Variants in GPC6 observed in about 807,000 individuals in gnomAD.
The protein encoded by GPC6 is glypican-6.
A neutral mutation model predicts 55.2 loss-of-function variants in GPC6; 14 were observed. The observed-to-expected ratio is 0.25, with a 90% CI of 0.17 to 0.40. The LOEUF (loss-of-function observed/expected upper bound fraction) is 0.40. Ranked by LOEUF, GPC6 falls within the 10% of genes least tolerant of loss-of-function variation. GPC6 has a pLI of 1.00. For missense variants in GPC6, 641 were observed against 708.5 expected (o/e 0.90, Z 1.08); for synonymous variants, 278 against 259.6 (o/e 1.07, Z -0.68).
At chr13:93,494,770 C>A (rs1880186615) in intron 1 of GPC6, among the ~76,000 whole-genome samples, 1 of 150,076 alleles carries the variant, frequency 6.7e-6, no homozygotes, top group Non-Finnish European at 1.5e-5. Flanking sequence ...TTTTATTTCT[C>A]CTTCACTTAT....
At chr13:93,412,000 C>T (rs915192832) in intron 1 of GPC6, among the ~76,000 whole-genome samples, 9 of 137,710 alleles carry the variant, frequency 6.5e-5, no homozygotes, top group African/African-American at 2.5e-4. Context: ...GGGACTATGT[C>T]TCAAAAAAAA....
chr13:93,469,870 G>A (rs923455485), intron 1 of GPC6, among the ~76,000 whole-genome samples: 1 of 152,058 alleles, frequency 6.6e-6, no homozygotes, highest in African/African-American at 2.4e-5. Context: ...TTACTGAAAA[G>A]GGAATCTTTT....
At chr13:93,715,538 T>C (rs961842442) in intron 2 of GPC6, among the ~76,000 whole-genome samples, 2 of 151,560 alleles carry the variant, frequency 1.3e-5, no homozygotes, top group African/African-American at 4.8e-5. Context: ...ACCTGGGTGA[T>C]GGGATCATTC....
chr13:93,695,494 A>G (rs890517911), intron 2 of GPC6, among the ~76,000 whole-genome samples: 7 of 152,048 alleles, frequency 4.6e-5, no homozygotes, highest in African/African-American at 1.7e-4. Flanking sequence ...CAAGCATCAT[A>G]TAATCCTTTG....
intron 6 of GPC6, among the ~76,000 whole-genome samples, chr13:94,350,664 TATC>T (rs1196838083): frequency 6.6e-6 from 1 of 151,002 alleles, no homozygotes; most frequent in African/African-American, 2.5e-5. Context: ...TGTGTGTATG[TATC>T]ATATTATATA....
At chr13:94,308,666 T>C (rs541226333) in intron 6 of GPC6, among the ~76,000 whole-genome samples, 2 of 152,308 alleles carry the variant, frequency 1.3e-5, no homozygotes, top group Non-Finnish European at 2.9e-5. Context: ...AATTGCAGTT[T>C]TACTGATTTT....
chr13:93,785,110 A>G (rs1885781283), intron 2 of GPC6, among the ~76,000 whole-genome samples: 1 of 152,192 alleles, frequency 6.6e-6, no homozygotes, highest in Non-Finnish European at 1.5e-5. Flanking sequence ...AAGAAGAAAA[A>G]GGGCACATTT....
intron 2 of GPC6, among the ~76,000 whole-genome samples, chr13:93,638,191 GTCA>G (rs1348002795): frequency 1.3e-5 from 2 of 151,998 alleles, no homozygotes; most frequent in Non-Finnish European, 2.9e-5. Context: ...CTGCACTGTT[GTCA>G]TCAAGTAGAT....
chr13:94,106,393 G>T (rs1886056003), intron 4 of GPC6, among the ~76,000 whole-genome samples: 1 of 152,108 alleles, frequency 6.6e-6, no homozygotes, highest in Admixed American at 6.6e-5. Flanking sequence ...GGTGAAAGTG[G>T]GTAGCGAGAC....
chr13:93,261,891 G>C (rs969688715), intron 1 of GPC6, among the ~76,000 whole-genome samples: 2 of 150,204 alleles, frequency 1.3e-5, no homozygotes, highest in Middle Eastern at 3.3e-3. Context: ...TAGACTTTCT[G>C]GCATTATTCA....
chr13:93,566,674 T>C, intron 2 of GPC6, among the ~76,000 whole-genome samples: 1 of 151,192 alleles, frequency 6.6e-6, no homozygotes, highest in East Asian at 1.9e-4. Context: ...CATCAACCCG[T>C]CATCTACATT....
chr13:93,321,948 C>T (rs1299738008), intron 1 of GPC6, among the ~76,000 whole-genome samples: 2 of 152,086 alleles, frequency 1.3e-5, no homozygotes, highest in East Asian at 1.9e-4. Flanking sequence ...AATCAGTCTT[C>T]CTCTTCCTCC....
intron 6 of GPC6, among the ~76,000 whole-genome samples, chr13:94,307,469 A>G (rs978867155): frequency 7.2e-5 from 11 of 151,986 alleles, no homozygotes; most frequent in Admixed American, 5.9e-4. Flanking sequence ...GGCATACACC[A>G]CCATGCCCAG....
At chr13:93,758,379 A>C (rs1884848565) in intron 2 of GPC6, among the ~76,000 whole-genome samples, 2 of 151,978 alleles carry the variant, frequency 1.3e-5, no homozygotes, top group Non-Finnish European at 2.9e-5. Context: ...ATCCAGGTTT[A>C]TTTCTTTCTC....
chr13:93,917,991 G>A (rs1398178121), intron 3 of GPC6, among the ~76,000 whole-genome samples: 1 of 151,982 alleles, frequency 6.6e-6, no homozygotes, highest in African/African-American at 2.4e-5. Flanking sequence ...CAGCTACTCG[G>A]GAGGCTGAGG....
At chr13:93,355,160 C>T (rs971510249) in intron 1 of GPC6, among the ~76,000 whole-genome samples, 1 of 152,084 alleles carries the variant, frequency 6.6e-6, no homozygotes, top group African/African-American at 2.4e-5. Context: ...CTGTTTTTCT[C>T]CTTTTGCTTT....
At chr13:93,374,566 G>A (rs1015022296) in intron 1 of GPC6, among the ~76,000 whole-genome samples, 7 of 152,282 alleles carry the variant, frequency 4.6e-5, no homozygotes, top group East Asian at 1.9e-4. Context: ...ACATGGCTTC[G>A]CTTAAATACT....
At chr13:93,776,960 C>T (rs1007946212) in intron 2 of GPC6, among the ~76,000 whole-genome samples, 1 of 152,114 alleles carries the variant, frequency 6.6e-6, no homozygotes, top group Non-Finnish European at 1.5e-5. Context: ...GCACCCTTGC[C>T]CATCGACCAA....
chr13:94,266,209 C>T (rs180896444), intron 4 of GPC6, among the ~76,000 whole-genome samples: 17 of 150,106 alleles, frequency 1.1e-4, no homozygotes, highest in African/African-American at 3.9e-4. Context: ...CGCTCTGTTG[C>T]CCAGGCTGGA....
Sources: gnomAD v4.1 joint callset for allele counts (sites outside exome capture counted in the v4.1 genomes callset) on GRCh38, gnomAD v4.1.1 for gene constraint, MANE v1.5 for transcripts, NCBI Gene and HGNC (gene_info 2026-07-23, HGNC 2026-07-21) for gene names.